Variants in PCSK2 observed in about 807,000 individuals in gnomAD.
The protein encoded by PCSK2 is neuroendocrine convertase 2.
In PCSK2, 14 loss-of-function variants were observed where a neutral mutation model predicts 69.7. The observed-to-expected ratio is 0.20, with a 90% CI of 0.13 to 0.31. The LOEUF is 0.31. PCSK2 is among the 10% of genes least tolerant of loss of function. The probability of loss-of-function intolerance (pLI) is 1.00; values close to 1 mark genes in which losing one functional copy is unlikely to be tolerated. For synonymous variants in PCSK2, 307 were observed against 320.7 expected (o/e 0.96, Z 0.46); for missense variants, 544 against 842.5 (o/e 0.65, Z 4.39).
rs139383401 is a variant in PCSK2 at position 17,438,729 on chromosome 20, C to T, written c.885+1846C>T. ...CATTGCCTTGACGATGGAATCTTCT[C>T]TCCCAGAAAGTTATGCCCCCCACAC... On this transcript the variant is annotated intron_variant, in intron 8 of 11. Transcript: ENST00000262545. 2.9e-3 allele frequency among the ~76,000 whole-genome samples: 448 copies of T among 152,336 alleles called. 3 individuals carry two copies. Among genetic ancestry groups the T allele is most frequent in the African/African-American group, 0.01 (433 of 41,586 alleles).
chr20:17,326,505 T>C (rs926875116), intron 2 of PCSK2, among the ~76,000 whole-genome samples: 1 of 152,230 alleles, frequency 6.6e-6, no homozygotes, highest in African/African-American at 2.4e-5. Context: ...CAACATCGTG[T>C]CATTAGTTGT....
intron 1 of PCSK2, among the ~76,000 whole-genome samples, chr20:17,256,451 C>T (rs897523265): frequency 2.6e-5 from 4 of 151,900 alleles, no homozygotes; most frequent in African/African-American, 9.7e-5. Flanking sequence ...AGCATATGTT[C>T]TTATTTCTTT....
chr20:17,476,785 G>A (rs1279156709), intron 11 of PCSK2, among the ~76,000 whole-genome samples: 8 of 152,186 alleles, frequency 5.3e-5, no homozygotes, highest in Admixed American at 4.6e-4. Context: ...CACCTTACCT[G>A]TTTTGTTTCT....
Position 17,481,916 on chromosome 20 carries a change from C to A in PCSK2, c.1763C>A (p.Thr588Asn), listed in dbSNP as rs144928517. The change falls in exon 12 of 12, where the codon ACC (threonine) becomes AAC (asparagine). Residue 588 changes from threonine (T) to asparagine (N), a missense_variant. Thr to Asn is a moderately conservative substitution (Grantham distance 65). This residue lies in a region of PCSK2 where 200 missense variants were observed against 287.8 expected (regional missense o/e 0.69). Transcript: ENST00000262545. ...APQKGVLKEW[T>N]LMLHGTQSAP... The stretch of plus-strand genomic sequence containing the variant: ...CAGAAGGGGGTGCTGAAGGAGTGGA[C>A]CCTGATGCTGCATGGCACTCAGAGT... The A allele has an allele frequency of 6.2e-7, 1 of 1,613,718 alleles. No homozygotes were observed. Among genetic ancestry groups the A allele is most frequent in the African/African-American group, 1.3e-5 (1 of 74,886 alleles).
At chr20:17,431,440 C>T (rs886678579) in intron 7 of PCSK2, among the ~76,000 whole-genome samples, 25 of 152,186 alleles carry the variant, frequency 1.6e-4, no homozygotes, top group African/African-American at 4.6e-4. Flanking sequence ...GCAGCCTCTG[C>T]CTCGCCTGCT....
chr20:17,327,573 G>T (rs1007359885), intron 2 of PCSK2, among the ~76,000 whole-genome samples: 9 of 152,120 alleles, frequency 5.9e-5, no homozygotes, highest in East Asian at 1.9e-4. Context: ...CCTCCCTGGG[G>T]CAGAGCGGCG....
At chr20:17,438,886 A>G (rs1488237060) in intron 8 of PCSK2, among the ~76,000 whole-genome samples, 1 of 152,158 alleles carries the variant, frequency 6.6e-6, no homozygotes, top group African/African-American at 2.4e-5. Flanking sequence ...CCAAGACTAC[A>G]TAGTTTTGGA....
chr20:17,265,340 C>T (rs1162213556), intron 2 of PCSK2, among the ~76,000 whole-genome samples: 1 of 151,902 alleles, frequency 6.6e-6, no homozygotes. Flanking sequence ...GGATTTATAC[C>T]CAAAGAATAG....
chr20:17,434,999 C>A (rs2032454198), intron 7 of PCSK2, among the ~76,000 whole-genome samples: 1 of 152,124 alleles, frequency 6.6e-6, no homozygotes, highest in Non-Finnish European at 1.5e-5. Context: ...ATAAAATGAA[C>A]CATAAAATTT....
intron 5 of PCSK2, among the ~76,000 whole-genome samples, chr20:17,370,011 A>G (rs2030710264): frequency 6.6e-6 from 1 of 152,238 alleles, no homozygotes; most frequent in South Asian, 2.1e-4. Flanking sequence ...GCTGGGCTAG[A>G]ACCACACACT....
intron 2 of PCSK2, among the ~76,000 whole-genome samples, chr20:17,304,984 C>A (rs567829195): frequency 1.3e-5 from 2 of 152,304 alleles, no homozygotes; most frequent in South Asian, 2.1e-4. Flanking sequence ...TCCCAGCTCT[C>A]TCTCCTTTCA....
intron 2 of PCSK2, among the ~76,000 whole-genome samples, chr20:17,304,867 A>G (rs775930895): frequency 1.3e-5 from 2 of 152,218 alleles, no homozygotes. Flanking sequence ...TGCGACAAGA[A>G]TATAGTTAAA....
chr20:17,325,899 T>A (rs536533662), intron 2 of PCSK2, among the ~76,000 whole-genome samples: 10 of 152,316 alleles, frequency 6.6e-5, no homozygotes, highest in African/African-American at 2.4e-4. Context: ...CCCAGGTATA[T>A]TCTTCTCAAG....
At position 17,482,812 on chromosome 20, in the gene PCSK2, A is replaced by G. The variant is rs1485623822; in HGVS notation, c.*742A>G. 1 of 152,488 alleles carries G rather than the reference A, an allele frequency of 6.6e-6. No homozygotes were observed. The highest frequency in any genetic ancestry group is 1.5e-5 in the Non-Finnish European group (1 of 68,034). 9.4% of individuals were successfully genotyped at this position (152,488 alleles called of 1,614,324 possible). On this transcript the variant is annotated 3_prime_UTR_variant, in exon 12 of 12. Transcript: ENST00000262545. ...GCTCTGAGTTATGTTAAAATCCGCT[A>G]GAGCAGCCCAAATTTTTCTCAGTTT...
intron 2 of PCSK2, among the ~76,000 whole-genome samples, chr20:17,307,361 G>A (rs1989357801): frequency 6.6e-6 from 1 of 152,180 alleles, no homozygotes; most frequent in Non-Finnish European, 1.5e-5. Context: ...GAGCCCTAGA[G>A]GGATGAAAGA....
At chr20:17,347,788 G>GAAAT (rs1349331249) in intron 2 of PCSK2, among the ~76,000 whole-genome samples, 1,719 of 14,010 alleles carry the variant, frequency 0.12, 65 homozygotes, top group African/African-American at 0.16. Flanking sequence ...ACACATAGAC[G>GAAAT]AAAGAAAGAA....
intron 1 of PCSK2, among the ~76,000 whole-genome samples, chr20:17,256,682 C>A (rs1987188869): frequency 6.6e-6 from 1 of 151,102 alleles, no homozygotes; most frequent in African/African-American, 2.4e-5. Flanking sequence ...ATGGAGGTTT[C>A]TTACATAGGT....
intron 2 of PCSK2, among the ~76,000 whole-genome samples, chr20:17,297,314 G>C (rs1162263161): frequency 6.6e-6 from 1 of 152,216 alleles, no homozygotes; most frequent in African/African-American, 2.4e-5. Flanking sequence ...CTTTGAAGAG[G>C]GAAGTGAGAA....
intron 2 of PCSK2, among the ~76,000 whole-genome samples, chr20:17,267,093 T>A (rs1189128853): frequency 1.3e-5 from 2 of 152,098 alleles, no homozygotes; most frequent in Non-Finnish European, 2.9e-5. Flanking sequence ...GATCAGGAGC[T>A]CTCCGTGCCC....
Sources: allele counts gnomAD v4.1 joint callset (sites outside exome capture counted in the v4.1 genomes callset), GRCh38; gene constraint gnomAD v4.1.1; regional missense constraint gnomAD v4.1.1; transcripts MANE v1.5; gene names NCBI Gene and HGNC (gene_info 2026-07-23, HGNC 2026-07-21).